FGF13: variants seen among roughly 807,000 people sequenced by gnomAD.
FGF13 encodes fibroblast growth factor 13.
A neutral mutation model predicts 19.5 loss-of-function variants in FGF13; 2 were observed. The ratio of observed to expected loss-of-function variants is 0.10; its 90% confidence interval spans 0.04 to 0.32. The LOEUF (loss-of-function observed/expected upper bound fraction) is 0.32, where lower values mean the gene tolerates loss of function less well. Ranked by LOEUF, FGF13 falls within the 10% of genes least tolerant of loss-of-function variation. The probability of loss-of-function intolerance (pLI) is 1.00; values close to 1 mark genes in which losing one functional copy is unlikely to be tolerated. For missense variants in FGF13, 113 were observed against 192.7 expected, an observed-to-expected ratio of 0.59 and a Z score of 2.45; for synonymous variants, 72 against 76.9, an observed-to-expected ratio of 0.94 and a Z score of 0.33.
chrX:139,184,751 T>C (rs1464641110), intron 1 of FGF13, among the ~76,000 whole-genome samples: 1 of 112,471 alleles, frequency 8.9e-6, no homozygotes, highest in East Asian at 2.8e-4. Flanking sequence ...ACATAGTAGG[T>C]ATTCAATAAA....
At chrX:139,184,982 A>G (rs1483975708) in intron 1 of FGF13, among the ~76,000 whole-genome samples, 1 of 111,828 alleles carries the variant, frequency 8.9e-6, no homozygotes, top group Non-Finnish European at 1.9e-5. Flanking sequence ...TTAGCCTCAC[A>G]TGTAAACGAT....
chrX:138,763,533 C>T (rs1437352917), intron 3 of FGF13, among the ~76,000 whole-genome samples: 1 of 112,232 alleles, frequency 8.9e-6, no homozygotes, highest in Non-Finnish European at 1.9e-5. Flanking sequence ...TAATTAGATG[C>T]TAAGACCCTA....
intron 1 of FGF13, among the ~76,000 whole-genome samples, chrX:139,063,130 A>G (rs926885609): frequency 1.8e-5 from 2 of 111,986 alleles, no homozygotes; most frequent in Non-Finnish European, 3.8e-5. Flanking sequence ...TTAAAACCTG[A>G]AAGAAAGTCA....
intron 3 of FGF13, among the ~76,000 whole-genome samples, chrX:138,657,066 A>G (rs985941919): frequency 1.8e-5 from 2 of 111,223 alleles, no homozygotes; most frequent in African/African-American, 6.5e-5. Flanking sequence ...ACCCCTGTGC[A>G]CTCTGAGCTC....
rs766947083 is a variant in FGF13 at position 138,623,778 on chromosome X, AAAACAAACAAAC to A, written c.*9060_*9071del. 9.0e-6 allele frequency: 1 copy of A among 111,426 alleles called. No homozygotes were observed. The highest frequency in any genetic ancestry group is 1.9e-5 in the Non-Finnish European group (1 of 53,226). The allele number at this position is 111,426 out of a possible 1,213,427, so 9.2% of individuals were successfully genotyped here. On this transcript the variant is annotated 3_prime_UTR_variant, in exon 5 of 5. Coordinates refer to ENST00000315930, the MANE Select transcript of FGF13 (RefSeq NM_004114.5). ...GGTGACAGAGCAAGACTCCATCTCA[AAAACAAACAAAC>A]AAACAAACAAACAAAATAAAATAAA...
intron 1 of FGF13, among the ~76,000 whole-genome samples, chrX:139,043,725 C>T (rs2092278047): frequency 8.9e-6 from 1 of 111,811 alleles, no homozygotes; most frequent in Non-Finnish European, 1.9e-5. Flanking sequence ...AAATGTCCAT[C>T]AACAGATAAA....
At chrX:139,113,136 A>G (rs1164999059) in intron 1 of FGF13, among the ~76,000 whole-genome samples, 3 of 110,595 alleles carry the variant, frequency 2.7e-5, no homozygotes. Flanking sequence ...TGCCAACTGG[A>G]GGCTGTGTCT....
At chrX:139,176,856 C>T (rs1003949769) in intron 1 of FGF13, among the ~76,000 whole-genome samples, 35 of 111,175 alleles carry the variant, frequency 3.1e-4, no homozygotes, top group Non-Finnish European at 5.1e-4. Context: ...AGAATAAGTG[C>T]GATGTGTTGC....
intron 1 of FGF13, among the ~76,000 whole-genome samples, chrX:139,197,993 C>CAAAAAAAAAAAA (rs57335781): frequency 1.2e-3 from 27 of 23,213 alleles, no homozygotes; most frequent in East Asian, 3.3e-3. Context: ...GACCCTACCT[C>CAAAAAAAAAAAA]AAAAAAAAAA....
chrX:138,965,868 T>C (rs1022988852), intron 1 of FGF13, among the ~76,000 whole-genome samples: 21 of 111,690 alleles, frequency 1.9e-4, no homozygotes, highest in Non-Finnish European at 3.8e-4. Flanking sequence ...AAAGAAAATG[T>C]TTTTATTTTT....
At chrX:139,013,014 C>T (rs1028384598) in intron 1 of FGF13, among the ~76,000 whole-genome samples, 2 of 111,227 alleles carry the variant, frequency 1.8e-5, no homozygotes, top group African/African-American at 6.5e-5. Context: ...CAAACAATCC[C>T]ATCAAAAAGT....
intron 1 of FGF13, among the ~76,000 whole-genome samples, chrX:139,183,190 T>G (rs954296609): frequency 1.8e-5 from 2 of 111,875 alleles, no homozygotes; most frequent in African/African-American, 3.3e-5. Flanking sequence ...CAAAAACATG[T>G]CAAAAGTATC....
At chrX:139,047,696 G>A (rs1247021106) in intron 1 of FGF13, among the ~76,000 whole-genome samples, 1 of 111,744 alleles carries the variant, frequency 8.9e-6, no homozygotes, top group African/African-American at 3.3e-5. Flanking sequence ...GAGTTTTGAG[G>A]CTTAAATGAG....
At chrX:138,743,740 G>T (rs763121368), upstream of FGF13, among the ~76,000 whole-genome samples, 12 of 111,457 alleles carry the variant, frequency 1.1e-4, no homozygotes, top group Admixed American at 6.7e-4. Context: ...TATTCCAGGA[G>T]TACGTTCTCT....
At chrX:139,139,288 G>A (rs1348658661) in intron 1 of FGF13, among the ~76,000 whole-genome samples, 1 of 111,685 alleles carries the variant, frequency 9.0e-6, no homozygotes, top group Non-Finnish European at 1.9e-5. Context: ...AGGCAAAGAC[G>A]TATTGAGTGC....
At chrX:138,853,599 ATGTGTG>A (rs369190425), downstream of FGF13, among the ~76,000 whole-genome samples, 1 of 94,804 alleles carries the variant, frequency 1.1e-5, no homozygotes, top group African/African-American at 3.9e-5. Flanking sequence ...GGAAGACAGA[ATGTGTG>A]TGTGTGTGCG....
chrX:138,912,784 C>T (rs932432271), intron 1 of FGF13, among the ~76,000 whole-genome samples: 2 of 111,616 alleles, frequency 1.8e-5, no homozygotes, highest in Non-Finnish European at 3.8e-5. Context: ...TTCTGTTCTG[C>T]TTTGCCATGA....
chrX:138,855,489 T>C (rs926511317), downstream of FGF13, among the ~76,000 whole-genome samples: 9 of 111,601 alleles, frequency 8.1e-5, no homozygotes, highest in Non-Finnish European at 1.3e-4. Context: ...AATATTAGCT[T>C]TGATATCGTG....
At chrX:138,699,230 TCA>T (rs1050617604) in intron 3 of FGF13, among the ~76,000 whole-genome samples, 5 of 111,886 alleles carry the variant, frequency 4.5e-5, no homozygotes, top group African/African-American at 1.6e-4. Context: ...TATTAGAGAT[TCA>T]GTGTCCCTTC....
Sources: allele counts gnomAD v4.1 joint callset (sites outside exome capture counted in the v4.1 genomes callset), GRCh38; gene constraint gnomAD v4.1.1; transcripts MANE v1.5; gene names NCBI Gene and HGNC (gene_info 2026-07-23, HGNC 2026-07-21).